Variants in DLG2 observed in about 807,000 individuals in gnomAD.
The protein encoded by DLG2 is discs large MAGUK scaffold protein 2.
In DLG2, 45 loss-of-function variants were observed where a neutral mutation model predicts 132.5. The ratio of observed to expected loss-of-function variants is 0.34; its 90% CI spans 0.27 to 0.44. The LOEUF is 0.44. Ranked by LOEUF, DLG2 falls within the 20% of genes least tolerant of loss-of-function variation. The pLI is 1.00. For synonymous variants in DLG2, 424 were observed against 419.6 expected, an observed-to-expected ratio of 1.01 and a Z score of -0.13; for missense variants, 1,045 against 1,196.9, an observed-to-expected ratio of 0.87 and a Z score of 1.87.
At chr11:85,528,155 G>C (rs1318689712) in intron 3 of DLG2, among the ~76,000 whole-genome samples, 2 of 152,160 alleles carry the variant, frequency 1.3e-5, no homozygotes, top group Non-Finnish European at 2.9e-5. Context: ...TTTCATGACA[G>C]TTTCTTTTGC....
At chr11:85,353,056 T>C (rs1452084156) in intron 3 of DLG2, among the ~76,000 whole-genome samples, 3 of 152,134 alleles carry the variant, frequency 2.0e-5, no homozygotes, top group South Asian at 4.1e-4. Context: ...AGGCAACCTA[T>C]AGAATGGGAG....
intron 18 of DLG2, among the ~76,000 whole-genome samples, chr11:83,713,021 ATATT>A (rs1234136973): frequency 2.6e-5 from 4 of 152,198 alleles, no homozygotes; most frequent in Non-Finnish European, 1.5e-5. Flanking sequence ...TTTTTACTAA[ATATT>A]TGTTTAATTG....
chr11:84,494,168 A>T (rs2099173643), intron 7 of DLG2, among the ~76,000 whole-genome samples: 1 of 152,168 alleles, frequency 6.6e-6, no homozygotes, highest in African/African-American at 2.4e-5. Flanking sequence ...TCTTTGCAGG[A>T]TCCCTTTACA....
intron 6 of DLG2, among the ~76,000 whole-genome samples, chr11:84,876,431 A>G (rs945076767): frequency 2.0e-5 from 3 of 152,128 alleles, no homozygotes; most frequent in Non-Finnish European, 4.4e-5. Context: ...TGTGTCCAGG[A>G]ATTTATCTAT....
intron 18 of DLG2, among the ~76,000 whole-genome samples, chr11:83,697,205 G>C (rs1454968167): frequency 6.6e-6 from 1 of 152,192 alleles, no homozygotes; most frequent in Non-Finnish European, 1.5e-5. Context: ...ACAGTGCTTA[G>C]CACAAAGTAG....
intron 9 of DLG2, among the ~76,000 whole-genome samples, chr11:84,106,970 T>G (rs2154188272): frequency 1.0e-5 from 1 of 97,078 alleles, no homozygotes; most frequent in African/African-American, 4.0e-5. Context: ...GAGAGAGTTT[T>G]AGCCTTAGGG....
chr11:84,092,962 G>A (rs1356700293), intron 10 of DLG2, among the ~76,000 whole-genome samples: 5 of 150,810 alleles, frequency 3.3e-5, no homozygotes, highest in South Asian at 2.1e-4. Context: ...CTTGAACCCA[G>A]AAGGCGGAGG....
At chr11:84,633,785 T>C (rs1306527605) in intron 6 of DLG2, among the ~76,000 whole-genome samples, 1 of 152,144 alleles carries the variant, frequency 6.6e-6, no homozygotes, top group Non-Finnish European at 1.5e-5. Flanking sequence ...GCCATCCTTA[T>C]GATGCAGGGA....
At chr11:84,610,293 G>A (rs964991245) in intron 6 of DLG2, among the ~76,000 whole-genome samples, 1 of 151,796 alleles carries the variant, frequency 6.6e-6, no homozygotes, top group African/African-American at 2.4e-5. Context: ...TTATTATTCT[G>A]TAGTGAGCAT....
intron 8 of DLG2, among the ~76,000 whole-genome samples, chr11:84,250,236 T>C (rs1369293035): frequency 6.6e-6 from 1 of 152,198 alleles, no homozygotes; most frequent in Non-Finnish European, 1.5e-5. Context: ...GCAGTTGCTC[T>C]CTTTAAATGG....
intron 19 of DLG2, among the ~76,000 whole-genome samples, chr11:83,567,839 T>A (rs1369873922): frequency 6.6e-6 from 1 of 152,030 alleles, no homozygotes; most frequent in African/African-American, 2.4e-5. Flanking sequence ...CAGCTAGATA[T>A]GGCTAGATAA....
chr11:84,111,222 T>C (rs1250428964), intron 9 of DLG2, among the ~76,000 whole-genome samples: 2 of 152,248 alleles, frequency 1.3e-5, no homozygotes, highest in Non-Finnish European at 2.9e-5. Flanking sequence ...ATAAACTGAA[T>C]TGAACTGAAC....
At chr11:85,524,311 G>T (rs1027054094) in intron 3 of DLG2, among the ~76,000 whole-genome samples, 1 of 151,650 alleles carries the variant, frequency 6.6e-6, no homozygotes, top group Non-Finnish European at 1.5e-5. Flanking sequence ...TTTGCCCTAA[G>T]GAAATAATTT....
intron 4 of DLG2, among the ~76,000 whole-genome samples, chr11:85,183,407 C>T (rs1254896258): frequency 1.3e-5 from 2 of 151,838 alleles, no homozygotes; most frequent in Non-Finnish European, 2.9e-5. Flanking sequence ...AAGTAGTTAT[C>T]ATCTATAGAT....
chr11:83,505,081 T>G (rs2094625359), intron 21 of DLG2, among the ~76,000 whole-genome samples: 1 of 152,110 alleles, frequency 6.6e-6, no homozygotes, highest in Admixed American at 6.5e-5. Flanking sequence ...ACTTCATGAG[T>G]CCACAGATGG....
chr11:85,528,973 C>T (rs1199770244), intron 3 of DLG2, among the ~76,000 whole-genome samples: 2 of 152,086 alleles, frequency 1.3e-5, no homozygotes, highest in Non-Finnish European at 2.9e-5. Flanking sequence ...GTGGAATATT[C>T]ATAACATGAA....
chr11:85,581,364 G>A lies in DLG2; in HGVS notation c.40+17293C>T, dbSNP rs528716686. ...ACAGTGGCTCATGCCTGTAATCCTC[G>A]CACTTTCAGAGGCCGAGGCAGACAG... On this transcript the variant is annotated intron_variant, in intron 3 of 27. Transcript: ENST00000376104. 7.3e-5 allele frequency among the ~76,000 whole-genome samples: 11 copies of A among 151,710 alleles called. No homozygotes were observed. The South Asian group carries it at 1.7e-3, about 23-fold the overall frequency.
intron 6 of DLG2, among the ~76,000 whole-genome samples, chr11:84,810,783 A>C (rs1427632811): frequency 6.6e-6 from 1 of 152,210 alleles, no homozygotes. Context: ...CTACTGATAC[A>C]CATATCTTAA....
chr11:83,608,001 G>C (rs144722732), intron 19 of DLG2, among the ~76,000 whole-genome samples: 1 of 152,088 alleles, frequency 6.6e-6, no homozygotes, highest in Non-Finnish European at 1.5e-5. Flanking sequence ...AATGGGGCAT[G>C]AGGACGTCTT....
Sources: allele counts gnomAD v4.1 joint callset (sites outside exome capture counted in the v4.1 genomes callset), GRCh38; gene constraint gnomAD v4.1.1; transcripts MANE v1.5; gene names NCBI Gene and HGNC (gene_info 2026-07-23, HGNC 2026-07-21).